Variants in DENND1B observed in about 807,000 individuals in gnomAD.
DENND1B encodes the protein DENN domain-containing protein 1B.
Under a neutral mutation model 90.1 loss-of-function variants are expected in DENND1B, and 59 were observed. The ratio of observed to expected loss-of-function variants is 0.65; its 90% CI spans 0.53 to 0.81. The LOEUF is 0.81. DENND1B is among the 40% of genes least tolerant of loss of function. The pLI is 0.00. For synonymous variants in DENND1B, 337 were observed against 324.6 expected, an observed-to-expected ratio of 1.04 and a Z score of -0.41; for missense variants, 862 against 912.6, an observed-to-expected ratio of 0.94 and a Z score of 0.71.
At chr1:197,563,030 G>A (rs1231836789) in intron 15 of DENND1B, among the ~76,000 whole-genome samples, 2 of 151,942 alleles carry the variant, frequency 1.3e-5, no homozygotes, top group Non-Finnish European at 2.9e-5. Context: ...TGAGAAAGCT[G>A]TAGGAGAAAA....
intron 18 of DENND1B, among the ~76,000 whole-genome samples, chr1:197,544,014 G>A (rs1460469095): frequency 1.3e-5 from 2 of 151,576 alleles, no homozygotes; most frequent in African/African-American, 2.4e-5. Flanking sequence ...TAAAATATCC[G>A]ACCTATTGAA....
intron 10 of DENND1B, among the ~76,000 whole-genome samples, chr1:197,634,257 T>C (rs946623059): frequency 6.6e-6 from 1 of 152,196 alleles, no homozygotes; most frequent in South Asian, 2.1e-4. Context: ...AATCCCAATG[T>C]TATAGTTTTT....
chr1:197,623,329 T>A (rs148017466), intron 10 of DENND1B, among the ~76,000 whole-genome samples: 1 of 151,450 alleles, frequency 6.6e-6, no homozygotes, highest in Non-Finnish European at 1.5e-5. Flanking sequence ...GAATTCCTCA[T>A]AAAATTTTTA....
chr1:197,619,957 G>A (rs979999312), intron 10 of DENND1B, among the ~76,000 whole-genome samples: 19 of 151,024 alleles, frequency 1.3e-4, no homozygotes, highest in African/African-American at 4.6e-4. Context: ...GACAAGGAGA[G>A]GAAAAAATAT....
intron 2 of DENND1B, among the ~76,000 whole-genome samples, chr1:197,719,257 T>C (rs943281256): frequency 6.6e-6 from 1 of 152,122 alleles, no homozygotes; most frequent in African/African-American, 2.4e-5. Context: ...TTTGTTTTTT[T>C]CTTTTGACTG....
At chr1:197,574,703 T>G (rs984650462) in intron 15 of DENND1B, among the ~76,000 whole-genome samples, 1 of 152,178 alleles carries the variant, frequency 6.6e-6, no homozygotes, top group Non-Finnish European at 1.5e-5. Context: ...ACTACAAGGC[T>G]ACAGTAACCA....
intron 2 of DENND1B, chr1:197,734,215 G>T: frequency 1.1e-6 from 1 of 884,550 alleles, no homozygotes; most frequent in Non-Finnish European, 1.4e-6. Flanking sequence ...TTAAAACTTA[G>T]AAATGAAAAG....
intron 5 of DENND1B, among the ~76,000 whole-genome samples, chr1:197,666,345 T>G (rs1654934180): frequency 6.6e-6 from 1 of 152,194 alleles, no homozygotes. Flanking sequence ...CACAGAAAAA[T>G]CTGTAAATGT....
intron 15 of DENND1B, among the ~76,000 whole-genome samples, chr1:197,558,185 TTC>T (rs1302606601): frequency 1.3e-5 from 2 of 151,878 alleles, no homozygotes; most frequent in East Asian, 3.9e-4. Context: ...CTTAATATTT[TTC>T]TTTTTATTCC....
chr1:197,523,972 TAAAAA>T (rs200777392), intron 20 of DENND1B, among the ~76,000 whole-genome samples: 5 of 151,242 alleles, frequency 3.3e-5, no homozygotes, highest in Non-Finnish European at 7.4e-5. Flanking sequence ...AGTCAAGTGA[TAAAAA>T]AAACTCAAAT....
chr1:197,513,341 C>T (rs929911219), intron 20 of DENND1B, among the ~76,000 whole-genome samples: 4 of 151,586 alleles, frequency 2.6e-5, no homozygotes, highest in Non-Finnish European at 5.9e-5. Context: ...CTTTTATCCC[C>T]AGCCCACACT....
intron 14 of DENND1B, among the ~76,000 whole-genome samples, chr1:197,588,376 A>G (rs1674897973): frequency 6.6e-6 from 1 of 152,192 alleles, no homozygotes; most frequent in Non-Finnish European, 1.5e-5. Context: ...CTTTGTAAGA[A>G]CAAGAAAATA....
At chr1:197,686,070 A>G (rs1009801958) in intron 3 of DENND1B, among the ~76,000 whole-genome samples, 1 of 152,164 alleles carries the variant, frequency 6.6e-6, no homozygotes, top group Non-Finnish European at 1.5e-5. Flanking sequence ...ATGAGTTTTG[A>G]TCACTCCAGT....
At chr1:197,593,063 T>C (rs1675377109) in intron 14 of DENND1B, among the ~76,000 whole-genome samples, 1 of 151,810 alleles carries the variant, frequency 6.6e-6, no homozygotes, top group African/African-American at 2.4e-5. Flanking sequence ...AAAAAAGGTC[T>C]AAGTAAAGAG....
At chr1:197,626,219 A>G (rs1359413853) in intron 10 of DENND1B, among the ~76,000 whole-genome samples, 5 of 151,976 alleles carry the variant, frequency 3.3e-5, no homozygotes, top group Non-Finnish European at 7.4e-5. Context: ...CAGAATATAC[A>G]TTTTTTTCAG....
intron 2 of DENND1B, among the ~76,000 whole-genome samples, chr1:197,770,821 T>C (rs1186153770): frequency 1.1e-5 from 1 of 93,244 alleles, no homozygotes; most frequent in African/African-American, 3.6e-5. Context: ...AATATATATG[T>C]AAATATATAT....
At chr1:197,683,958 C>G (rs746294058) in intron 3 of DENND1B, among the ~76,000 whole-genome samples, 1 of 152,136 alleles carries the variant, frequency 6.6e-6, no homozygotes, top group African/African-American at 2.4e-5. Context: ...AAAGTTTTTG[C>G]GGCTGTTTTC....
chr1:197,700,546 G>T (rs1423204264), intron 3 of DENND1B, among the ~76,000 whole-genome samples: 1 of 152,114 alleles, frequency 6.6e-6, no homozygotes, highest in Non-Finnish European at 1.5e-5. Context: ...TCAGGACACA[G>T]ACATGGGCAA....
chr1:197,605,268 T>C (rs1676569002), intron 13 of DENND1B, among the ~76,000 whole-genome samples: 1 of 151,076 alleles, frequency 6.6e-6, no homozygotes, highest in Non-Finnish European at 1.5e-5. Context: ...TACTTACATG[T>C]GTGAAATATT....
Sources: allele counts gnomAD v4.1 joint callset (sites outside exome capture counted in the v4.1 genomes callset), GRCh38; gene constraint gnomAD v4.1.1; transcripts MANE v1.5; gene names NCBI Gene and HGNC (gene_info 2026-07-23, HGNC 2026-07-21).